SAP130: variants seen among roughly 807,000 people sequenced by gnomAD.
SAP130 encodes histone deacetylase complex subunit SAP130.
A neutral mutation model predicts 103.2 loss-of-function variants in SAP130; 16 were observed. The ratio of observed to expected loss-of-function variants is 0.16; its 90% CI spans 0.10 to 0.24. The LOEUF (loss-of-function observed/expected upper bound fraction) is 0.24, where lower values mean the gene tolerates loss of function less well. Among genes scored for constraint, SAP130 ranks in the 10% least tolerant of loss-of-function variants. The probability of loss-of-function intolerance (pLI) is 1.00; values close to 1 mark genes in which losing one functional copy is unlikely to be tolerated. For missense variants in SAP130, 990 were observed against 1,359.7 expected (o/e 0.73, Z 4.28); for synonymous variants, 477 against 497.0 (o/e 0.96, Z 0.53).
intron 2 of SAP130, among the ~76,000 whole-genome samples, chr2:128,020,748 C>T (rs772149202): frequency 2.6e-5 from 4 of 152,078 alleles, no homozygotes; most frequent in Admixed American, 6.6e-5. Context: ...TCTATAATCC[C>T]AGCACTTTGG....
rs1573606568 is a variant in SAP130, at chr2:127,942,564, A to G, written c.2902-27T>C. On this transcript the variant is annotated intron_variant, in intron 19 of 20. Coordinates refer to ENST00000643581, the MANE Select transcript of SAP130 (RefSeq NM_001330301.2). The surrounding 1 kb of genome is among the most constrained non-coding windows in gnomAD (Gnocchi z 4.8). The stretch of plus-strand genomic sequence containing the variant: ...TGCAACACACAAAAGGGAGGGTATC[A>G]TAAGCTCGGAAATATTTTTCTATGT... 4.4e-6 allele frequency: 6 copies of G among 1,357,000 alleles called. No homozygotes were observed. The highest frequency in any genetic ancestry group is 3.7e-4 in the Middle Eastern group (2 of 5,460). The allele number at this position is 1,357,000 out of a possible 1,614,324, so 84.1% of individuals were successfully genotyped here.
chr2:127,966,837 A>G (rs758704686), intron 15 of SAP130, among the ~76,000 whole-genome samples: 12 of 152,216 alleles, frequency 7.9e-5, no homozygotes, highest in Non-Finnish European at 1.3e-4. Flanking sequence ...GAGTCCTCAG[A>G]TGACATTATC....
In SAP130 at chr2:127,993,227, G is replaced by A. The variant is rs776212552; in HGVS notation, c.1437C>T (p.Thr479=). ...TAGTGGACACGGAACTGGTGATTGGGGTGTAGGTATGTGCCGCCAGTGGGT... is the reference window on the plus strand; with the variant it reads ...TAGTGGACACGGAACTGGTGATTGGAGTGTAGGTATGTGCCGCCAGTGGGT... ...SAYPLAAHTY[T]PITSSVSTIR... Residue 479 remains threonine (T), a synonymous_variant, in exon 12 of 21, where the codon ACC becomes ACT. Coordinates refer to ENST00000643581, the MANE Select transcript of SAP130 (RefSeq NM_001330301.2). 3.7e-6 allele frequency: 6 copies of A among 1,614,060 alleles called. No individual in the cohort carries two copies. Among genetic ancestry groups the A allele is most frequent in the Non-Finnish European group, 1.7e-6 (2 of 1,179,984 alleles).
intron 5 of SAP130, among the ~76,000 whole-genome samples, chr2:128,013,893 C>A (rs1469913785): frequency 6.6e-6 from 1 of 152,028 alleles, no homozygotes; most frequent in Non-Finnish European, 1.5e-5. Context: ...CAGTGAGGCC[C>A]CATCTCAAAA....
intron 10 of SAP130, among the ~76,000 whole-genome samples, chr2:127,999,280 C>G (rs566679838): frequency 1.0e-3 from 156 of 152,232 alleles, no homozygotes; most frequent in African/African-American, 3.4e-3. Flanking sequence ...CACTTTACGT[C>G]CAGTCACCAG....
chr2:127,944,873 A>G, intron 19 of SAP130, among the ~76,000 whole-genome samples: 1 of 148,556 alleles, frequency 6.7e-6, no homozygotes, highest in African/African-American at 2.5e-5. Context: ...CTGCACTCCA[A>G]CCTGGGTAAC....
At chr2:127,973,023 C>T (rs996635647) in intron 15 of SAP130, among the ~76,000 whole-genome samples, 8 of 152,170 alleles carry the variant, frequency 5.3e-5, no homozygotes, top group African/African-American at 1.7e-4. Context: ...GAACATCACA[C>T]AGTATAGGGA....
intron 2 of SAP130, among the ~76,000 whole-genome samples, chr2:128,025,722 G>C (rs1427803701): frequency 1.3e-5 from 2 of 152,164 alleles, no homozygotes; most frequent in Non-Finnish European, 2.9e-5. Context: ...TTTTACATCA[G>C]AAAGTGGAGC....
chr2:128,017,596 A>G, intron 3 of SAP130, 84 bp downstream of exon 3: 1 of 1,186,562 alleles, frequency 8.4e-7, no homozygotes, highest in Non-Finnish European at 1.2e-6. Flanking sequence ...CCTAAGATAC[A>G]GCCTAAGATT....
At chr2:128,009,958 G>T (rs781322133) in intron 7 of SAP130, among the ~76,000 whole-genome samples, 7 of 152,064 alleles carry the variant, frequency 4.6e-5, no homozygotes, top group African/African-American at 2.4e-5. Context: ...CACATTACAT[G>T]AAACTGTAAG....
At chr2:127,994,964 A>G (rs956453167) in intron 11 of SAP130, among the ~76,000 whole-genome samples, 1 of 152,232 alleles carries the variant, frequency 6.6e-6, no homozygotes, top group Non-Finnish European at 1.5e-5. Flanking sequence ...ATATCAATGT[A>G]TCAAAATCTG....
intron 1 of SAP130, among the ~76,000 whole-genome samples, chr2:128,027,613 C>T (rs1221559496): frequency 6.6e-6 from 1 of 150,602 alleles, no homozygotes; most frequent in Non-Finnish European, 1.5e-5. Context: ...AGCCAAACTC[C>T]CTGGGCCGGC....
chr2:128,019,494 C>A (rs1300734695), intron 2 of SAP130, among the ~76,000 whole-genome samples: 1 of 152,170 alleles, frequency 6.6e-6, no homozygotes, highest in Non-Finnish European at 1.5e-5. Context: ...GTCTTGAATA[C>A]CTGGGATCGA....
chr2:128,018,713 C>A (rs1684953889), intron 2 of SAP130, among the ~76,000 whole-genome samples: 1 of 151,752 alleles, frequency 6.6e-6, no homozygotes, highest in Admixed American at 6.6e-5. Context: ...GATCACTTAA[C>A]CCTGGGAGGT....
At chr2:127,998,878 C>T (rs1044559037) in intron 10 of SAP130, among the ~76,000 whole-genome samples, 1 of 152,210 alleles carries the variant, frequency 6.6e-6, no homozygotes. Context: ...AGCGTCTGGG[C>T]TTGGCTCTGC....
At chr2:127,999,660 C>T in intron 10 of SAP130, 81 bp downstream of exon 10, 1 of 588,210 alleles carries the variant, frequency 1.7e-6, no homozygotes, top group East Asian at 3.0e-5. Context: ...AAAATCAATA[C>T]TAGCCATCAC....
At chr2:127,999,100 GAA>G (rs979844392) in intron 10 of SAP130, among the ~76,000 whole-genome samples, 7 of 152,226 alleles carry the variant, frequency 4.6e-5, no homozygotes, top group African/African-American at 1.4e-4. Flanking sequence ...CAGTGATGCA[GAA>G]AAGACCCAAT....
chr2:128,014,745 C>T (rs1684654882), intron 5 of SAP130, 58 bp downstream of exon 5: 2 of 1,223,854 alleles, frequency 1.6e-6, no homozygotes, highest in South Asian at 1.2e-5. Context: ...ACGTATTTTA[C>T]CAAATGTATA....
chr2:127,998,129 A>C (rs959453964), intron 10 of SAP130, among the ~76,000 whole-genome samples: 7 of 152,020 alleles, frequency 4.6e-5, no homozygotes, highest in South Asian at 2.1e-4. Flanking sequence ...AAGAAAAAAA[A>C]CCATACATTC....
Sources: gnomAD v4.1 joint callset for allele counts (sites outside exome capture counted in the v4.1 genomes callset) on GRCh38, gnomAD v4.1.1 for gene constraint, Gnocchi (gnomAD v3.1) non-coding constraint, MANE v1.5 for transcripts, NCBI Gene and HGNC (gene_info 2026-07-23, HGNC 2026-07-21) for gene names.